The following RAD17 variants were observed in gnomAD, a reference collection of about 807,000 sequenced individuals.
RAD17 encodes RAD17 checkpoint clamp loader component.
A neutral mutation model predicts 81.5 loss-of-function variants in RAD17; 31 were observed. The ratio of observed to expected loss-of-function variants is 0.38; its 90% CI spans 0.29 to 0.51. The LOEUF (loss-of-function observed/expected upper bound fraction) is 0.51. Among genes scored for constraint, RAD17 ranks in the 20% least tolerant of loss-of-function variants. The pLI is 0.88. For missense variants in RAD17, 681 were observed against 781.2 expected, an observed-to-expected ratio of 0.87 and a Z score of 1.53; for synonymous variants, 261 against 266.2, an observed-to-expected ratio of 0.98 and a Z score of 0.19.
At chr5:69,376,068 A>G (rs1197565722) in intron 6 of RAD17, among the ~76,000 whole-genome samples, 2 of 152,150 alleles carry the variant, frequency 1.3e-5, no homozygotes, top group Non-Finnish European at 2.9e-5. Context: ...AATAAAGGTC[A>G]TGTTGTATGT....
upstream of RAD17, chr5:69,369,698 G>GGGCATAACTCGGGTC: frequency 1.9e-6 from 3 of 1,552,848 alleles, no homozygotes. Context: ...GTTGGAGGGT[G>GGGCATAACTCGGGTC]GGCATAACTC....
chr5:69,388,797 A>C (rs1764370988), intron 11 of RAD17, among the ~76,000 whole-genome samples: 1 of 151,806 alleles, frequency 6.6e-6, no homozygotes, highest in East Asian at 1.9e-4. Context: ...TTGTAGAGAT[A>C]AGGTCTTACT....
intron 16 of RAD17, among the ~76,000 whole-genome samples, 165 bp from the exon 17 acceptor site, chr5:69,399,884 T>C (rs1338069241): frequency 6.6e-6 from 1 of 152,104 alleles, no homozygotes; most frequent in African/African-American, 2.4e-5. Flanking sequence ...AAAAAAACTA[T>C]AAAGGACTAC....
At chr5:69,381,819 A>T (rs776765444) in intron 6 of RAD17, 82 bp from the exon 7 acceptor site, 1 of 999,918 alleles carries the variant, frequency 1.0e-6, no homozygotes, top group Non-Finnish European at 1.4e-6. Flanking sequence ...AGAAGTAAAT[A>T]TATTTAGAAT....
chr5:69,371,192 G>GTT (rs763331085), intron 2 of RAD17, 21 bp downstream of exon 2: 2 of 498,288 alleles, frequency 4.0e-6, no homozygotes, highest in Admixed American at 5.0e-5. Context: ...AGTATGTGTG[G>GTT]TTTTTTTGTT....
chr5:69,376,146 A>G (rs1327072783), intron 6 of RAD17, among the ~76,000 whole-genome samples: 1 of 152,214 alleles, frequency 6.6e-6, no homozygotes. Flanking sequence ...CACTAGATCA[A>G]AGAGATGAAA....
At chr5:69,401,504 C>T (rs1765264652) in intron 17 of RAD17, among the ~76,000 whole-genome samples, 1 of 151,984 alleles carries the variant, frequency 6.6e-6, no homozygotes, top group Non-Finnish European at 1.5e-5. Context: ...TAGTATTTTT[C>T]ATTATATTTC....
intron 17 of RAD17, among the ~76,000 whole-genome samples, chr5:69,405,808 A>G (rs1765565208): frequency 6.6e-6 from 1 of 152,148 alleles, no homozygotes; most frequent in African/African-American, 2.4e-5. Context: ...TTGGGAGGCG[A>G]GGCAGGCGGA....
Position 69,381,907 on chromosome 5 carries a change from T to G in RAD17, c.358T>G (p.Ser120Ala). The G allele has an allele frequency of 6.3e-7, 1 of 1,588,146 alleles. No individual in the cohort carries two copies. The highest frequency in any genetic ancestry group is 2.2e-5 in the East Asian group (1 of 44,690). Reference sequence around the variant, plus strand: ...TATTTGTATTTGATTTTAGGGTGGATCTATTTTATTAATAACAGGTCCTCC... The same window carrying G: ...TATTTGTATTTGATTTTAGGGTGGAGCTATTTTATTAATAACAGGTCCTCC... ...VLERQPKQGG[S>A]ILLITGPPGC... Residue 120 changes from serine to alanine, a missense_variant, in exon 7 of 19, where the codon TCT (serine) becomes GCT (alanine). Coordinates refer to ENST00000354868, the MANE Select transcript of RAD17 (RefSeq NM_133338.3).
intron 12 of RAD17, among the ~76,000 whole-genome samples, chr5:69,390,986 G>A (rs1287814580): frequency 6.7e-6 from 1 of 150,176 alleles, no homozygotes; most frequent in Non-Finnish European, 1.5e-5. Flanking sequence ...GGTGGCTCAT[G>A]CCTGTAATCC....
chr5:69,413,691 C>T (rs1452252293), intron 18 of RAD17, among the ~76,000 whole-genome samples: 4 of 152,098 alleles, frequency 2.6e-5, no homozygotes, highest in East Asian at 1.9e-4. Context: ...CGTGCCACCA[C>T]GCCTGGCTAA....
In RAD17 at chr5:69,371,543, G is replaced by A. The variant is rs372273469; in HGVS notation, c.-190G>A. 2 of 1,455,234 alleles carry A rather than the reference G, an allele frequency of 1.4e-6. No individual in the cohort carries two copies. Among genetic ancestry groups the A allele is most frequent in the African/African-American group, 1.5e-5 (1 of 68,886 alleles). 90.1% of individuals were successfully genotyped at this position (1,455,234 alleles called of 1,614,324 possible). A position where few individuals can be genotyped will look rare whatever the true frequency, so the allele number is the denominator to read the frequency against. On this transcript the variant is annotated 5_prime_UTR_variant, in exon 3 of 19. Transcript: ENST00000354868. ...GTCAAAAACTTTTCTTAGACCAAAG[G>A]TATCTTCCACAAAGGTATGATACAC...
intron 4 of RAD17, 34 bp from the exon 5 acceptor site, chr5:69,373,796 G>A (rs1465814806): frequency 2.0e-6 from 3 of 1,467,230 alleles, no homozygotes; most frequent in African/African-American, 3.0e-5. Flanking sequence ...GGGAGAAAAT[G>A]TGATTATATT....
intron 18 of RAD17, among the ~76,000 whole-genome samples, chr5:69,410,945 A>C (rs2150892385): frequency 7.9e-6 from 1 of 126,424 alleles, no homozygotes; most frequent in African/African-American, 2.9e-5. Flanking sequence ...AATTTAAACA[A>C]GCAAAAAATA....
chr5:69,375,684 A>G (rs1763290761), intron 6 of RAD17, among the ~76,000 whole-genome samples: 1 of 152,122 alleles, frequency 6.6e-6, no homozygotes. Context: ...TATTCTCTCT[A>G]ACAAAGTTAA....
At chr5:69,374,230 T>C (rs1379033065) in intron 5 of RAD17, 143 bp downstream of exon 5, 2 of 729,452 alleles carry the variant, frequency 2.7e-6, no homozygotes, top group Non-Finnish European at 4.4e-6. Context: ...GATTTTTTTA[T>C]TTTCCAAGGC....
intron 8 of RAD17, among the ~76,000 whole-genome samples, chr5:69,385,676 C>G (rs1764168091): frequency 6.6e-6 from 1 of 152,096 alleles, no homozygotes; most frequent in Admixed American, 6.6e-5. Flanking sequence ...AAATACAACA[C>G]AAAGGCTTTG....
intron 7 of RAD17, among the ~76,000 whole-genome samples, chr5:69,382,265 A>G (rs1763904300): frequency 6.6e-6 from 1 of 152,150 alleles, no homozygotes; most frequent in African/African-American, 2.4e-5. Flanking sequence ...GCTGGGCAAC[A>G]TACAAAGAAC....
intron 17 of RAD17, among the ~76,000 whole-genome samples, chr5:69,405,776 T>C (rs1765562096): frequency 6.6e-6 from 1 of 151,770 alleles, no homozygotes; most frequent in Non-Finnish European, 1.5e-5. Flanking sequence ...GTGCAGTGGC[T>C]CATGCCTGTA....
Sources: allele counts gnomAD v4.1 joint callset (sites outside exome capture counted in the v4.1 genomes callset), GRCh38; gene constraint gnomAD v4.1.1; transcripts MANE v1.5; gene names NCBI Gene and HGNC (gene_info 2026-07-23, HGNC 2026-07-21).